The following SLC22A5 variants were observed in gnomAD, a reference collection of about 807,000 sequenced individuals.
SLC22A5 encodes organic cation/carnitine transporter 2.
A neutral mutation model predicts 56.7 loss-of-function variants in SLC22A5; 44 were observed. The observed-to-expected ratio is 0.78, with a 90% CI of 0.61 to 1.00. The LOEUF (loss-of-function observed/expected upper bound fraction) is 1.00, where lower values mean the gene tolerates loss of function less well. Among genes scored for constraint, SLC22A5 ranks in the 50% least tolerant of loss-of-function variants. The pLI is 0.00. For missense variants in SLC22A5, 675 were observed against 723.0 expected (o/e 0.93, Z 0.76); for synonymous variants, 278 against 292.1 (o/e 0.95, Z 0.49).
rs997608574 is a variant in SLC22A5, at chr5:132,387,158, A to C, written c.951+7A>C. ...TATCTTTGACCCGAGTGAGGTAAGC[A>C]CCATGTGGGTGTGGGTGAGAGGGAC... On this transcript the variant is annotated splice_region_variant and intron_variant, in intron 5 of 9. Transcript: ENST00000245407. 5.0e-6 allele frequency: 8 copies of C among 1,614,122 alleles called. No individual in the cohort carries two copies. The highest frequency in any genetic ancestry group is 6.8e-6 in the Non-Finnish European group (8 of 1,180,008).
At chr5:132,389,066 G>A (rs765252634) in intron 6 of SLC22A5, 45 bp downstream of exon 6, 1 of 1,299,732 alleles carries the variant, frequency 7.7e-7, no homozygotes, top group Non-Finnish European at 1.1e-6. Context: ...AAAGCTTCTT[G>A]AAGTGGCCAT....
At chr5:132,377,780 A>G (rs274569) in intron 1 of SLC22A5, 198,955 of 200,788 alleles carry the variant, frequency 0.99, 98,596 homozygotes, top group Middle Eastern at 1. Context: ...CAAGCTCAGG[A>G]CTTTCAGCTG....
intron 6 of SLC22A5, chr5:132,390,293 A>G (rs1752655667): frequency 2.9e-6 from 1 of 346,776 alleles, no homozygotes; most frequent in Admixed American, 4.3e-5. Flanking sequence ...ATCACACCTC[A>G]CTTGATGTCT....
chr5:132,389,121 T>C (rs556035046), intron 6 of SLC22A5, 100 bp downstream of exon 6: 239 of 771,736 alleles, frequency 3.1e-4, no homozygotes, highest in African/African-American at 1.8e-3. Flanking sequence ...ATTCAAAGCC[T>C]ATGTCATCAG....
Position 132,384,210 on chromosome 5 carries a change from G to A in SLC22A5, c.561G>A (p.Gln187=). The A allele has an allele frequency of 6.2e-7, 1 of 1,614,220 alleles. No homozygotes were observed. Among genetic ancestry groups the A allele is most frequent in the South Asian group, 1.1e-5 (1 of 91,092 alleles). Residue 187 remains glutamine, a synonymous_variant, in exon 3 of 10, where the codon CAG becomes CAA. Coordinates refer to ENST00000245407, the MANE Select transcript of SLC22A5 (RefSeq NM_003060.4). ...TGCAGACAGGCTTCAGCTTCCTGCA[G>A]ATCTTCTCGAAGAATTTTGAGATGT... The part of the protein sequence containing the change: ...MGMQTGFSFL[Q]IFSKNFEMFV...
At chr5:132,378,615 G>A (rs765166275) in intron 2 of SLC22A5, 134 bp downstream of exon 2, 14 of 756,182 alleles carry the variant, frequency 1.9e-5, no homozygotes, top group Non-Finnish European at 2.6e-5. Context: ...AGCTATGTCT[G>A]TGATATAGAC....
At chr5:132,384,022 CCAGT>C in intron 2 of SLC22A5, 121 bp from the exon 3 acceptor site, 1 of 939,268 alleles carries the variant, frequency 1.1e-6, no homozygotes, top group East Asian at 2.4e-5. Context: ...TCCCTGGCAG[CCAGT>C]ATTCTGGCAA....
In SLC22A5 at chr5:132,394,251, C is replaced by G. The variant is rs1429160208; in HGVS notation, c.1653C>G (p.Ile551Met). 2 of 1,612,112 alleles carry G rather than the reference C, an allele frequency of 1.2e-6. No individual in the cohort carries two copies. Among genetic ancestry groups the G allele is most frequent in the Admixed American group, 3.3e-5 (2 of 60,028 alleles). ...AAGATGGTCAAGAAAGGCCCACAAT[C>G]CTTAAAAGCACAGCCTTCTAACATC... is the stretch of plus-strand genomic sequence containing the variant. ...MLKDGQERPT[I>M]LKSTAF The change falls in exon 10 of 10, where the codon ATC (isoleucine) becomes ATG (methionine). Residue 551 changes from isoleucine (I) to methionine (M), a missense_variant. By Grantham distance (10) the Ile-to-Met change is conservative (BLOSUM62 1). Transcript: ENST00000245407.
chr5:132,384,210 G>C lies in SLC22A5; in HGVS notation c.561G>C (p.Gln187His). ...TGCAGACAGGCTTCAGCTTCCTGCA[G>C]ATCTTCTCGAAGAATTTTGAGATGT... is the stretch of plus-strand genomic sequence containing the variant. ...MGMQTGFSFL[Q>H]IFSKNFEMFV... The change falls in exon 3 of 10, where the codon CAG becomes CAC. Residue 187 changes from glutamine (Q) to histidine (H), a missense_variant. Coordinates refer to ENST00000245407, the MANE Select transcript of SLC22A5 (RefSeq NM_003060.4). 1.2e-6 allele frequency: 2 copies of C among 1,614,220 alleles called. No homozygotes were observed. Among genetic ancestry groups the C allele is most frequent in the African/African-American group, 1.3e-5 (1 of 75,064 alleles).
Position 132,394,413 on chromosome 5 carries a change from G to A in SLC22A5, c.*141G>A, listed in dbSNP as rs907477977. ...ACCTGTGTCTGACTTGCTCCTGGAT[G>A]GGCACCCACACTCAGAGGCTACATA... On this transcript the variant is annotated 3_prime_UTR_variant, in exon 10 of 10. Transcript: ENST00000245407. The A allele has an allele frequency of 3.5e-5, 26 of 747,954 alleles. No homozygotes were observed. The highest frequency in any genetic ancestry group is 5.8e-5 in the Admixed American group (3 of 51,444). 46.3% of individuals were successfully genotyped at this position (747,954 alleles called of 1,614,324 possible).
chr5:132,383,057 C>T (rs1175175163), intron 2 of SLC22A5: 3 of 152,252 alleles, frequency 2.0e-5, no homozygotes, highest in Admixed American at 2.0e-4. Context: ...AAATGTGTAG[C>T]TTAATGAATT....
chr5:132,394,107 C>T, intron 9 of SLC22A5, 78 bp from the exon 10 acceptor site: 1 of 979,092 alleles, frequency 1.0e-6, no homozygotes, highest in Non-Finnish European at 1.7e-6. Context: ...GGAAGATATC[C>T]TCAGTTCTTG....
In SLC22A5 at chr5:132,370,382, G is replaced by A. The variant is rs11568522; in HGVS notation, c.393+17G>A. 16,140 of 1,610,772 alleles carry A rather than the reference G, an allele frequency of 0.01. 270 individuals are homozygous for A. The highest frequency in any genetic ancestry group is 0.076 in the African/African-American group (5,720 of 75,030). On this transcript the variant is annotated intron_variant, in intron 1 of 9. Transcript: ENST00000245407. Reference sequence around the variant, plus strand: ...GTGACCGAGGTGGGTGCCGGCCCCTGCTGGGGCTGAGACCAGGGCTCGGAG... The same window carrying A: ...GTGACCGAGGTGGGTGCCGGCCCCTACTGGGGCTGAGACCAGGGCTCGGAG...
Position 132,369,720 on chromosome 5 carries a change from G to A in SLC22A5, c.-253G>A. ...TCCCGCCCCAGCTCCGCCTTCGCCG[G>A]CGCCGCTCTGCCTGCCAGCGGGGCG... On this transcript the variant is annotated 5_prime_UTR_variant, in exon 1 of 10. Transcript: ENST00000245407. The A allele has an allele frequency of 2.2e-6, 1 of 445,200 alleles. No individual in the cohort carries two copies. Among genetic ancestry groups the A allele is most frequent in the East Asian group, 3.7e-5 (1 of 26,774 alleles). 27.6% of individuals were successfully genotyped at this position (445,200 alleles called of 1,614,324 possible).
chr5:132,382,909 G>C (rs1038847369), intron 2 of SLC22A5: 2 of 152,160 alleles, frequency 1.3e-5, no homozygotes, highest in African/African-American at 4.8e-5. Context: ...GTACTGGCCA[G>C]ACTCAAACTG....
In SLC22A5 at chr5:132,390,831, C is replaced by T; in HGVS notation, c.1194C>T (p.Pro398=). ...CCTGGCTGCTGCTGCAATATTTGCCCCGGCGCTATTCCATGGCCACTGCCC... is the reference window on the plus strand; with the variant it reads ...CCTGGCTGCTGCTGCAATATTTGCCTCGGCGCTATTCCATGGCCACTGCCC... The part of the protein sequence containing the change: ...VLAWLLLQYL[P]RRYSMATALF... Residue 398 remains proline (P), a synonymous_variant, in exon 7 of 10, where the codon CCC becomes CCT. Coordinates refer to ENST00000245407, the MANE Select transcript of SLC22A5 (RefSeq NM_003060.4). 4 of 1,614,152 alleles carry T rather than the reference C, an allele frequency of 2.5e-6. No homozygotes were observed. The highest frequency in any genetic ancestry group is 2.7e-5 in the African/African-American group (2 of 75,018).
chr5:132,390,783 T>C lies in SLC22A5; in HGVS notation c.1146T>C (p.Val382=), dbSNP rs1405950971. The part of the protein sequence containing the change: ...IFVNCFLSAM[V]EVPAYVLAWL... ...TGAACTGCTTCCTTTCAGCGATGGTTGAAGTCCCAGCATATGTGTTGGCCT... is the reference window on the plus strand; with the variant it reads ...TGAACTGCTTCCTTTCAGCGATGGTCGAAGTCCCAGCATATGTGTTGGCCT... Residue 382 remains valine, a synonymous_variant, in exon 7 of 10, where the codon GTT becomes GTC. Transcript: ENST00000245407. 1.9e-6 allele frequency: 3 copies of C among 1,614,242 alleles called. No individual in the cohort carries two copies. Among genetic ancestry groups the C allele is most frequent in the Non-Finnish European group, 8.5e-7 (1 of 1,180,036 alleles).
chr5:132,374,805 C>T (rs972248880), intron 1 of SLC22A5, among the ~76,000 whole-genome samples: 1 of 151,842 alleles, frequency 6.6e-6, no homozygotes, highest in African/African-American at 2.4e-5. Context: ...CCTGTAATCC[C>T]AGGGCTTTGG....
intron 2 of SLC22A5, chr5:132,383,917 A>G (rs912310766): frequency 8.5e-6 from 5 of 585,458 alleles, no homozygotes; most frequent in Admixed American, 5.9e-5. Context: ...TAATTGTAGC[A>G]TTGCTTTTTA....
Sources: gnomAD v4.1 joint callset for allele counts (sites outside exome capture counted in the v4.1 genomes callset) on GRCh38, gnomAD v4.1.1 for gene constraint, MANE v1.5 for transcripts, NCBI Gene and HGNC (gene_info 2026-07-23, HGNC 2026-07-21) for gene names.